CDCP2: variants seen among roughly 807,000 people sequenced by gnomAD.
CDCP2 encodes the protein CUB domain containing protein 2, also known as CUB domain-containing protein 2.
In CDCP2, 31 loss-of-function variants were observed where a neutral mutation model predicts 31.0. That is an observed-to-expected ratio of 1.00 (90% CI 0.75 to 1.35). The LOEUF (loss-of-function observed/expected upper bound fraction) is 1.35, where lower values mean the gene tolerates loss of function less well. CDCP2 is among the 40% of genes most tolerant of loss of function. CDCP2 has a pLI of 0.00. For missense variants in CDCP2, 443 were observed against 482.6 expected, an observed-to-expected ratio of 0.92 and a Z score of 0.77; for synonymous variants, 206 against 207.9, an observed-to-expected ratio of 0.99 and a Z score of 0.08.
downstream of CDCP2, chr1:54,132,850 C>G (rs967538064): frequency 2.5e-6 from 1 of 397,498 alleles, no homozygotes; most frequent in Non-Finnish European, 4.4e-6. Context: ...AATGGAGGCT[C>G]AGAGAGGGAT....
chr1:54,151,228 C>T (rs1458226798), intron 1 of CDCP2, among the ~76,000 whole-genome samples: 1 of 152,196 alleles, frequency 6.6e-6, no homozygotes, highest in Non-Finnish European at 1.5e-5. Flanking sequence ...ATAGTGGTGC[C>T]TCCCTTGCTG....
At chr1:54,141,189 G>C in exon 3 of CDCP2, 2 of 1,596,634 alleles carry the variant, frequency 1.3e-6, no homozygotes, top group Non-Finnish European at 1.7e-6. Flanking sequence ...ACACGAGGGT[G>C]GGGGGCCTGG....
In CDCP2 at chr1:54,140,281, C is replaced by T. The variant is rs1659343334; in HGVS notation, c.764-175G>A. The T allele has an allele frequency of 6.5e-6, 4 of 618,466 alleles. No homozygotes were observed. In the Admixed American group the frequency reaches 1.1e-4, roughly 17 times the overall value. 38.3% of individuals were successfully genotyped at this position (618,466 alleles called of 1,614,324 possible). A position where few individuals can be genotyped will look rare whatever the true frequency, so the allele number is the denominator to read the frequency against. ...TCCCAACTATCTGAAAGTTGGGATG[C>T]TTGATCCCAAAGCTTGTTTTAAACT... On this transcript the variant is annotated intron_variant, in intron 3 of 5. Transcript: ENST00000530059.
At chr1:54,144,652 C>A in exon 2 of CDCP2, 1 of 1,613,482 alleles carries the variant, frequency 6.2e-7, no homozygotes, top group Non-Finnish European at 8.5e-7. Context: ...CTGCAGGTGT[C>A]GTGGTACTCT....
exon 4 of CDCP2, chr1:54,139,929 C>T (rs771278106): frequency 6.2e-7 from 1 of 1,614,202 alleles, no homozygotes; most frequent in East Asian, 2.2e-5. Context: ...GTCAAAGTCA[C>T]AGGTCTTGGT....
intron 4 of CDCP2, chr1:54,138,596 C>CT (rs1659300594): frequency 6.6e-6 from 1 of 152,264 alleles, no homozygotes; most frequent in African/African-American, 2.4e-5. Context: ...TTCATTTGGC[C>CT]TTCATGACCA....
intron 3 of CDCP2, 80 bp downstream of exon 3, chr1:54,141,018 G>T: frequency 8.2e-7 from 1 of 1,223,470 alleles, no homozygotes; most frequent in Non-Finnish European, 1.1e-6. Flanking sequence ...GCAGAAAGGT[G>T]TGACCCCTGC....
chr1:54,149,007 T>TA (rs1381296950), intron 1 of CDCP2, among the ~76,000 whole-genome samples: 6 of 147,340 alleles, frequency 4.1e-5, no homozygotes, highest in African/African-American at 1.5e-4. Flanking sequence ...ATATATTTAT[T>TA]TTATATATAT....
chr1:54,138,848 C>T (rs942329479), intron 4 of CDCP2: 1 of 152,484 alleles, frequency 6.6e-6, no homozygotes, highest in African/African-American at 2.4e-5. Flanking sequence ...GCTATACCTG[C>T]ACAACGAGGA....
chr1:54,147,517 C>T (rs1047386860), intron 1 of CDCP2, among the ~76,000 whole-genome samples: 4 of 151,758 alleles, frequency 2.6e-5, no homozygotes, highest in Admixed American at 6.6e-5. Flanking sequence ...CAGGTGACTG[C>T]CACTATGCCC....
chr1:54,143,414 G>A lies in CDCP2; in HGVS notation c.427+1052C>T, dbSNP rs1659407503. ...TAAAACATTGCCTTTATTTTTTATT[G>A]CCTTTATCTTTTTTTTTTTTTTTAA... On this transcript the variant is annotated intron_variant, in intron 2 of 5. Transcript: ENST00000530059. The A allele has an allele frequency of 3.7e-5, 3 of 81,948 alleles. No homozygotes were observed. The Admixed American group carries it at 5.3e-4, about 14-fold the overall frequency. 5.1% of individuals were successfully genotyped at this position (81,948 alleles called of 1,614,324 possible).
At chr1:54,139,569 G>C in intron 4 of CDCP2, 184 bp downstream of exon 4, 1 of 1,613,072 alleles carries the variant, frequency 6.2e-7, no homozygotes, top group Non-Finnish European at 8.5e-7. Flanking sequence ...AGCGGGAGCC[G>C]TACCGTCCAG....
chr1:54,144,881 G>T (rs1659438151), intron 1 of CDCP2, 68 bp from the exon 2 acceptor site: 8 of 1,247,936 alleles, frequency 6.4e-6, no homozygotes, highest in Non-Finnish European at 8.9e-6. Context: ...TAAGGGCAGT[G>T]GGCCCAGCTA....
At chr1:54,146,515 T>C (rs1300539556) in intron 1 of CDCP2, among the ~76,000 whole-genome samples, 2 of 151,884 alleles carry the variant, frequency 1.3e-5, no homozygotes, top group Non-Finnish European at 2.9e-5. Flanking sequence ...AGTAAAACTC[T>C]TGTGATCCTT....
intron 4 of CDCP2, chr1:54,139,474 G>A (rs1402525472): frequency 2.0e-6 from 3 of 1,491,848 alleles, no homozygotes; most frequent in Non-Finnish European, 2.8e-6. Flanking sequence ...GGGGCCAGGG[G>A]CCCAGGGGGA....
chr1:54,151,341 C>T (rs1173668102), intron 1 of CDCP2, among the ~76,000 whole-genome samples: 2 of 152,172 alleles, frequency 1.3e-5, no homozygotes, highest in Admixed American at 6.5e-5. Flanking sequence ...GCAGGAATGG[C>T]ATCTAATTCA....
rs1316207820 is a variant in CDCP2, at chr1:54,141,092, TCCTA to T, written c.763+2_763+5del. ...GGATTCAGGGTGGAGCGCCAGCCCC[TCCTA>T]CCTGAGAAGTAGTAGGCCTTGAAGC... On this transcript the variant is annotated splice_donor_variant and splice_donor_5th_base_variant and intron_variant, in intron 3 of 5. Transcript: ENST00000530059. LOFTEE classifies it high-confidence loss of function. 9.9e-6 allele frequency: 15 copies of T among 1,518,378 alleles called. No individual in the cohort carries two copies. The highest frequency in any genetic ancestry group is 1.3e-5 in the Non-Finnish European group (15 of 1,134,476). 94.1% of individuals were successfully genotyped at this position (1,518,378 alleles called of 1,614,324 possible).
intron 1 of CDCP2, among the ~76,000 whole-genome samples, chr1:54,150,978 AAC>A (rs1316280402): frequency 6.6e-6 from 1 of 152,136 alleles, no homozygotes; most frequent in Non-Finnish European, 1.5e-5. Flanking sequence ...AATGAGACAA[AAC>A]ACACAGCGTG....
At chr1:54,139,778 CCTGCGGGTGGTG>C in exon 4 of CDCP2, 1 of 1,614,206 alleles carries the variant, frequency 6.2e-7, no homozygotes, top group East Asian at 2.2e-5. Flanking sequence ...CAGAGAAGCC[CCTGCGGGTGGTG>C]CTGCGGTCTG....
Sources: gnomAD v4.1 joint callset for allele counts (sites outside exome capture counted in the v4.1 genomes callset) on GRCh38, gnomAD v4.1.1 for gene constraint, MANE v1.5 for transcripts, NCBI Gene and HGNC (gene_info 2026-07-23, HGNC 2026-07-21) for gene names.